The following UBR1 variants were observed in gnomAD, a reference collection of about 807,000 sequenced individuals.
UBR1 encodes ubiquitin protein ligase E3 component n-recognin 1.
UBR1 carries 102 observed loss-of-function variants against 242.1 expected under a neutral mutation model. The ratio of observed to expected loss-of-function variants is 0.42; its 90% CI spans 0.36 to 0.50. The LOEUF (loss-of-function observed/expected upper bound fraction) is 0.50. Among genes scored for constraint, UBR1 ranks in the 20% least tolerant of loss-of-function variants. UBR1 has a pLI of 0.01. For missense variants in UBR1, 1,772 were observed against 2,101.8 expected (o/e 0.84, Z 3.07); for synonymous variants, 675 against 684.8 (o/e 0.99, Z 0.22).
chr15:42,966,338 C>T (rs1259989216), intron 40 of UBR1, 52 bp from the exon 41 acceptor site: 12 of 1,607,986 alleles, frequency 7.5e-6, no homozygotes, highest in Non-Finnish European at 9.4e-6. Flanking sequence ...GACTAAAGCC[C>T]TAGATTTAAA....
At chr15:42,995,852 T>C (rs1438620291) in intron 33 of UBR1, among the ~76,000 whole-genome samples, 1 of 152,226 alleles carries the variant, frequency 6.6e-6, no homozygotes, top group Non-Finnish European at 1.5e-5. Context: ...TGACAGGACG[T>C]TGCCAGACTC....
chr15:43,011,385 T>C (rs1461923130), intron 29 of UBR1, among the ~76,000 whole-genome samples: 5 of 152,108 alleles, frequency 3.3e-5, no homozygotes, highest in Non-Finnish European at 7.4e-5. Flanking sequence ...GGTAAACATA[T>C]GTAACAAAGC....
intron 1 of UBR1, among the ~76,000 whole-genome samples, chr15:43,087,596 T>C (rs796517897): frequency 2.0e-5 from 3 of 152,290 alleles, no homozygotes; most frequent in African/African-American, 4.8e-5. Flanking sequence ...ATGGAAAATA[T>C]GTTTAGATTA....
At chr15:43,051,218 T>C (rs2033550996) in intron 12 of UBR1, among the ~76,000 whole-genome samples, 3 of 152,224 alleles carry the variant, frequency 2.0e-5, no homozygotes, top group South Asian at 4.1e-4. Flanking sequence ...TTGGTACATA[T>C]ACACCATGGA....
chr15:42,948,564 T>C (rs2031776174), intron 46 of UBR1, among the ~76,000 whole-genome samples: 1 of 151,412 alleles, frequency 6.6e-6, no homozygotes, highest in South Asian at 2.1e-4. Flanking sequence ...GAATCCACAA[T>C]GAACTCAAAC....
chr15:42,972,380 T>C (rs1267533937), intron 39 of UBR1, among the ~76,000 whole-genome samples: 1 of 152,172 alleles, frequency 6.6e-6, no homozygotes, highest in Non-Finnish European at 1.5e-5. Context: ...ATTTTTTTTA[T>C]TTTTTTGAGA....
rs1454096368 is a variant in UBR1, at chr15:43,032,610, T to C, written c.2212A>G (p.Thr738Ala). The change falls in exon 20 of 47, where the codon ACA becomes GCA. Residue 738 changes from threonine to alanine, a missense_variant. Thr to Ala is a moderately conservative substitution (Grantham distance 58). This residue lies in a region of UBR1 where 734 missense variants were observed against 893.3 expected (regional missense o/e 0.82). Transcript: ENST00000290650. Reference sequence around the variant, plus strand: ...ACCTGAAGCATTTCTTCTATTAGTGTATTATATTGTTTAATCAAATCCTAT... The same window carrying C: ...ACCTGAAGCATTTCTTCTATTAGTGCATTATATTGTTTAATCAAATCCTAT... ...KDQDLIKQYN[T>A]LIEEMLQVLI... 12 of 1,532,264 alleles carry C rather than the reference T, an allele frequency of 7.8e-6. No individual in the cohort carries two copies. Among genetic ancestry groups the C allele is most frequent in the Non-Finnish European group, 9.0e-6 (10 of 1,111,788 alleles). The allele number at this position is 1,532,264 out of a possible 1,614,324, so 94.9% of individuals were successfully genotyped here. A position where few individuals can be genotyped will look rare whatever the true frequency, so the allele number is the denominator to read the frequency against.
At chr15:43,061,647 C>T (rs941598948) in intron 6 of UBR1, among the ~76,000 whole-genome samples, 2 of 151,978 alleles carry the variant, frequency 1.3e-5, no homozygotes, top group East Asian at 1.9e-4. Flanking sequence ...AATGAATTAA[C>T]GGTATTTGCA....
At chr15:43,013,110 G>T (rs917563503) in intron 29 of UBR1, among the ~76,000 whole-genome samples, 3 of 152,094 alleles carry the variant, frequency 2.0e-5, no homozygotes, top group African/African-American at 7.2e-5. Context: ...TTTGCCTGTT[G>T]GCCAGGCTGG....
chr15:43,086,556 G>C (rs1316446866), intron 1 of UBR1, among the ~76,000 whole-genome samples: 4 of 151,978 alleles, frequency 2.6e-5, no homozygotes, highest in Admixed American at 2.0e-4. Flanking sequence ...TACAGACAAT[G>C]CATTCATCAA....
chr15:43,070,861 A>G lies in UBR1; in HGVS notation c.593T>C (p.Ile198Thr). 1 of 1,613,852 alleles carries G rather than the reference A, an allele frequency of 6.2e-7. No homozygotes were observed. The highest frequency in any genetic ancestry group is 8.5e-7 in the Non-Finnish European group (1 of 1,179,958). Residue 198 changes from isoleucine (I) to threonine (T), a missense_variant, in exon 5 of 47, where the codon ATA becomes ACA. Transcript: ENST00000290650. ...TATAGTCATTTCTACGACATATTTT[A>G]TCACTGAAGGAAATATTTTCCTGGC... ...VQARKIFPSV[I>T]KYVVEMTIWE...
chr15:43,017,226 A>C (rs1333543403), intron 27 of UBR1, 45 bp from the exon 28 acceptor site: 4 of 1,347,014 alleles, frequency 3.0e-6, no homozygotes, highest in Middle Eastern at 2.2e-4. Context: ...TTAGACTGTT[A>C]GACCGACCAG....
intron 26 of UBR1, 109 bp from the exon 27 acceptor site, chr15:43,021,484 A>C: frequency 1.1e-6 from 1 of 915,548 alleles, no homozygotes; most frequent in Non-Finnish European, 1.8e-6. Flanking sequence ...ACTAATGCTC[A>C]ATTCCCTTAT....
At chr15:43,077,253 G>A (rs2033917482) in intron 3 of UBR1, among the ~76,000 whole-genome samples, 1 of 152,054 alleles carries the variant, frequency 6.6e-6, no homozygotes, top group Non-Finnish European at 1.5e-5. Context: ...GATGGTTGCC[G>A]GGTCTGTGTG....
intron 1 of UBR1, among the ~76,000 whole-genome samples, chr15:43,090,449 C>A (rs2034093694): frequency 6.6e-6 from 1 of 151,872 alleles, no homozygotes; most frequent in African/African-American, 2.4e-5. Context: ...TTTACTAATA[C>A]CTTTTAAAAA....
chr15:42,991,300 C>G (rs933666070), intron 33 of UBR1, among the ~76,000 whole-genome samples: 8 of 151,874 alleles, frequency 5.3e-5, no homozygotes, highest in African/African-American at 1.9e-4. Context: ...TGAGGTCTCG[C>G]TATGTTTTGC....
chr15:42,999,322 C>T (rs766222620), intron 32 of UBR1, among the ~76,000 whole-genome samples: 2 of 152,164 alleles, frequency 1.3e-5, no homozygotes, highest in Admixed American at 6.5e-5. Flanking sequence ...TTATTCAGGT[C>T]TCTGTTCAAA....
chr15:43,006,115 A>G (rs1331422866), intron 30 of UBR1, among the ~76,000 whole-genome samples: 21 of 151,372 alleles, frequency 1.4e-4, no homozygotes, highest in Non-Finnish European at 7.4e-5. Flanking sequence ...AGAAAAAAAA[A>G]AAAAGAAAAG....
At chr15:42,986,540 A>C (rs2032462027) in intron 35 of UBR1, among the ~76,000 whole-genome samples, 1 of 152,236 alleles carries the variant, frequency 6.6e-6, no homozygotes, top group African/African-American at 2.4e-5. Flanking sequence ...AAGTCTGAAG[A>C]GACTTAGCAT....
Sources: allele counts gnomAD v4.1 joint callset (sites outside exome capture counted in the v4.1 genomes callset), GRCh38; gene constraint gnomAD v4.1.1; regional missense constraint gnomAD v4.1.1; transcripts MANE v1.5; gene names NCBI Gene and HGNC (gene_info 2026-07-23, HGNC 2026-07-21).